Variants in MYOT observed in about 807,000 individuals in gnomAD.
MYOT encodes 57 kDa cytoskeletal protein.
MYOT carries 36 observed loss-of-function variants against 58.0 expected under a neutral mutation model. The ratio of observed to expected loss-of-function variants is 0.62; its 90% CI spans 0.48 to 0.82. MYOT has a LOEUF of 0.82. Ranked by LOEUF, MYOT falls within the 40% of genes least tolerant of loss-of-function variation. The pLI is 0.00. For synonymous variants in MYOT, 218 were observed against 204.6 expected, an observed-to-expected ratio of 1.07 and a Z score of -0.56; for missense variants, 505 against 592.1, an observed-to-expected ratio of 0.85 and a Z score of 1.53.
At chr5:137,873,223 T>A (rs76446820) in intron 2 of MYOT, among the ~76,000 whole-genome samples, 1,842 of 145,374 alleles carry the variant, frequency 0.013, 26 homozygotes, top group South Asian at 0.067. Context: ...CTAGCATTTT[T>A]AAAAAAAAAA....
At chr5:137,875,767 G>T in intron 2 of MYOT, 62 bp from the exon 3 acceptor site, 1 of 1,526,600 alleles carries the variant, frequency 6.6e-7, no homozygotes, top group Non-Finnish European at 9.1e-7. Context: ...ATATCTAAAG[G>T]TAATTTGCAA....
intron 7 of MYOT, among the ~76,000 whole-genome samples, chr5:137,884,985 G>A (rs1293832845): frequency 1.3e-5 from 2 of 152,126 alleles, no homozygotes; most frequent in African/African-American, 4.8e-5. Context: ...AAACTAGTGG[G>A]CTGGAAATTT....
intron 4 of MYOT, among the ~76,000 whole-genome samples, chr5:137,878,544 G>C (rs1177975423): frequency 2.0e-5 from 3 of 152,136 alleles, no homozygotes; most frequent in Non-Finnish European, 4.4e-5. Context: ...ACAGTTGGTG[G>C]CTGGGCACAG....
intron 7 of MYOT, among the ~76,000 whole-genome samples, chr5:137,884,631 T>TG (rs944531296): frequency 1.3e-4 from 20 of 152,054 alleles, no homozygotes; most frequent in Non-Finnish European, 1.3e-4. Context: ...AAAATCGACA[T>TG]GACACACAAA....
intron 3 of MYOT, 128 bp from the exon 4 acceptor site, chr5:137,877,389 AAAT>A: frequency 6.8e-6 from 4 of 584,348 alleles, no homozygotes; most frequent in South Asian, 4.1e-5. Flanking sequence ...AAAAAAAAAA[AAAT>A]AGAATCTATC....
chr5:137,875,739 C>T (rs1755191371), intron 2 of MYOT, 90 bp from the exon 3 acceptor site: 2 of 1,167,378 alleles, frequency 1.7e-6, no homozygotes, highest in Non-Finnish European at 1.3e-6. Flanking sequence ...ACTAGTAGTA[C>T]TAAGTGGTAA....
intron 7 of MYOT, among the ~76,000 whole-genome samples, chr5:137,885,467 A>G (rs1334909728): frequency 6.6e-6 from 1 of 152,126 alleles, no homozygotes; most frequent in Non-Finnish European, 1.5e-5. Context: ...AGATGAGATG[A>G]TAAAGAATAT....
At chr5:137,885,152 C>A (rs1316077335) in intron 7 of MYOT, among the ~76,000 whole-genome samples, 2 of 152,212 alleles carry the variant, frequency 1.3e-5, no homozygotes, top group Non-Finnish European at 2.9e-5. Flanking sequence ...TGGTACTGAA[C>A]TATCGTTTCC....
chr5:137,876,378 T>C (rs1297312648), intron 3 of MYOT, among the ~76,000 whole-genome samples: 3 of 152,254 alleles, frequency 2.0e-5, no homozygotes, highest in Non-Finnish European at 4.4e-5. Context: ...CATGTAGTCC[T>C]TATTGTGTAT....
rs1188835104 is a variant in MYOT at position 137,880,766 on chromosome 5, T to C, written c.634-50T>C. 4.8e-6 allele frequency: 7 copies of C among 1,459,380 alleles called. No homozygotes were observed. The African/African-American group carries it at 8.4e-5, about 17-fold the overall frequency. The allele number at this position is 1,459,380 out of a possible 1,614,324, so 90.4% of individuals were successfully genotyped here. A position where few individuals can be genotyped will look rare whatever the true frequency, so the allele number is the denominator to read the frequency against. On this transcript the variant is annotated intron_variant, in intron 4 of 9. Transcript: ENST00000239926. ...ACTGTAACTACTTAATTCTGCTTCA[T>C]TCAAGCTAACAATTGCATGTAAACA...
chr5:137,884,968 AG>A (rs1259671942), intron 7 of MYOT, among the ~76,000 whole-genome samples: 1 of 152,194 alleles, frequency 6.6e-6, no homozygotes, highest in Non-Finnish European at 1.5e-5. Context: ...CCTCAATCTC[AG>A]GGGAAAAACT....
rs878976149 is a variant in MYOT at position 137,887,342 on chromosome 5, G to A, written c.1454G>A (p.Arg485His). The A allele has an allele frequency of 1.2e-5, 20 of 1,613,856 alleles. No individual in the cohort carries two copies. The highest frequency in any genetic ancestry group is 5.5e-5 in the South Asian group (5 of 91,080). The change falls in exon 10 of 10, where the codon CGT (arginine) becomes CAT (histidine). Residue 485 changes from arginine to histidine, a missense_variant. Coordinates refer to ENST00000239926, the MANE Select transcript of MYOT (RefSeq NM_006790.3). Reference sequence around the variant, plus strand: ...TTTAACCCAGAAGGAGAATTTCAGCGTTTGGCAGCTCAATCTGGACTCTAT... The same window carrying A: ...TTTAACCCAGAAGGAGAATTTCAGCATTTGGCAGCTCAATCTGGACTCTAT... ...QAFNPEGEFQ[R>H]LAAQSGLYES...
chr5:137,885,566 G>A (rs1755569026), intron 7 of MYOT, among the ~76,000 whole-genome samples: 1 of 151,876 alleles, frequency 6.6e-6, no homozygotes, highest in Admixed American at 6.6e-5. Flanking sequence ...GAGGCCAGGA[G>A]TTAGAGATCA....
At chr5:137,883,171 G>A in intron 6 of MYOT, 1 of 543,868 alleles carries the variant, frequency 1.8e-6, no homozygotes, top group Non-Finnish European at 3.3e-6. Context: ...AAAGAGTTAT[G>A]GTTTGAGACA....
At position 137,879,254 on chromosome 5, in the gene MYOT, G is replaced by A. The variant is rs535281834; in HGVS notation, c.634-1562G>A. 1.2e-3 allele frequency among the ~76,000 whole-genome samples: 181 copies of A among 151,738 alleles called. 1 individual carries two copies. The highest frequency in any genetic ancestry group is 4.3e-3 in the African/African-American group (176 of 41,394). ...CCTGGCCTTTGAAATTAAGTTTTTT[G>A]GTTCTGTTTGATGCAACTACACCTA... On this transcript the variant is annotated intron_variant, in intron 4 of 9. Coordinates refer to ENST00000239926, the MANE Select transcript of MYOT (RefSeq NM_006790.3).
intron 1 of MYOT, among the ~76,000 whole-genome samples, chr5:137,869,123 T>C (rs1754960776): frequency 6.6e-6 from 1 of 152,176 alleles, no homozygotes; most frequent in Admixed American, 6.5e-5. Flanking sequence ...CTGGAAAAGT[T>C]TTATTAACAT....
At chr5:137,871,066 G>C (rs1332616058) in intron 2 of MYOT, 59 bp downstream of exon 2, 1 of 1,449,366 alleles carries the variant, frequency 6.9e-7, no homozygotes, top group East Asian at 2.4e-5. Flanking sequence ...AGTTTGCGAG[G>C]GGGTAGGAGT....
At chr5:137,874,320 A>C (rs1302397290) in intron 2 of MYOT, among the ~76,000 whole-genome samples, 1 of 152,156 alleles carries the variant, frequency 6.6e-6, no homozygotes, top group African/African-American at 2.4e-5. Flanking sequence ...TTCAAAAATT[A>C]GCTGAGCATG....
intron 3 of MYOT, 127 bp downstream of exon 3, chr5:137,876,130 A>G: frequency 9.9e-7 from 1 of 1,008,070 alleles, no homozygotes; most frequent in African/African-American, 1.6e-5. Flanking sequence ...AAAAAGAAGG[A>G]ATATTTGGGC....
Sources: gnomAD v4.1 joint callset for allele counts (sites outside exome capture counted in the v4.1 genomes callset) on GRCh38, gnomAD v4.1.1 for gene constraint, MANE v1.5 for transcripts, NCBI Gene and HGNC (gene_info 2026-07-23, HGNC 2026-07-21) for gene names.